Variants in NCOR1 observed in about 807,000 individuals in gnomAD.
NCOR1 encodes protein phosphatase 1, regulatory subunit 109.
Under a neutral mutation model 288.1 loss-of-function variants are expected in NCOR1, and 63 were observed. That is an observed-to-expected ratio of 0.22 (90% CI 0.18 to 0.27). The LOEUF (loss-of-function observed/expected upper bound fraction) is 0.27. NCOR1 is among the 10% of genes least tolerant of loss of function. The pLI, the probability that NCOR1 is intolerant of heterozygous loss-of-function variation, is 1.00. For missense variants in NCOR1, 2,397 were observed against 3,019.2 expected, an observed-to-expected ratio of 0.79 and a Z score of 4.83; for synonymous variants, 1,007 against 1,065.9, an observed-to-expected ratio of 0.94 and a Z score of 1.08.
intron 1 of NCOR1, among the ~76,000 whole-genome samples, chr17:16,196,265 A>ATT (rs1166923704): frequency 1.3e-5 from 2 of 151,894 alleles, no homozygotes; most frequent in Non-Finnish European, 2.9e-5. Flanking sequence ...TCGAAAAATA[A>ATT]TTCACTGTGA....
At chr17:16,210,962 A>C (rs2092070843) in intron 1 of NCOR1, among the ~76,000 whole-genome samples, 1 of 151,982 alleles carries the variant, frequency 6.6e-6, no homozygotes, top group Non-Finnish European at 1.5e-5. Flanking sequence ...CGATCTCCTG[A>C]CCTCATGATC....
chr17:16,195,470 CAA>C (rs753774141), intron 1 of NCOR1, among the ~76,000 whole-genome samples: 1 of 115,156 alleles, frequency 8.7e-6, no homozygotes, highest in African/African-American at 3.0e-5. Context: ...GACTCCGTCT[CAA>C]AAAAAAAAAG....
At chr17:16,118,099 T>G in intron 17 of NCOR1, 72 bp from the exon 18 acceptor site, 2 of 1,477,154 alleles carry the variant, frequency 1.4e-6, no homozygotes, top group South Asian at 1.3e-5. Flanking sequence ...AATAATAAAT[T>G]AACTTAATCA....
rs1267705844 is a variant in NCOR1 at position 16,038,697 on chromosome 17, CA to C, written c.6955+735del. On this transcript the variant is annotated intron_variant, in intron 44 of 45. Coordinates refer to ENST00000268712, the MANE Select transcript of NCOR1 (RefSeq NM_006311.4). ...AAGTGATCCACCCAACTTACCCTCC[CA>C]AAGTGCTATGATTACACCTTTTTTC... Among the ~76,000 whole-genome samples the C allele has an allele frequency of 5.9e-5, 9 of 152,168 alleles. No homozygotes were observed. The East Asian group carries it at 1.7e-3, about 29-fold the overall frequency.
intron 14 of NCOR1, among the ~76,000 whole-genome samples, chr17:16,136,600 G>T (rs2076432711): frequency 6.6e-6 from 1 of 152,084 alleles, no homozygotes; most frequent in Admixed American, 6.6e-5. Flanking sequence ...GAAGTCAGGA[G>T]ATTGAGACCA....
intron 26 of NCOR1, among the ~76,000 whole-genome samples, chr17:16,079,415 G>C (rs1437745893): frequency 6.6e-6 from 1 of 152,182 alleles, no homozygotes; most frequent in Non-Finnish European, 1.5e-5. Context: ...AAGAGGCTAA[G>C]AACTTCTTAA....
intron 13 of NCOR1, 76 bp from the exon 14 acceptor site, chr17:16,137,488 G>A: frequency 2.8e-6 from 2 of 720,170 alleles, no homozygotes; most frequent in Admixed American, 3.4e-5. Context: ...TACTTCCAAG[G>A]AAAATCTCTG....
chr17:16,123,055 C>G (rs1220898202), intron 15 of NCOR1, among the ~76,000 whole-genome samples: 1 of 152,158 alleles, frequency 6.6e-6, no homozygotes, highest in African/African-American at 2.4e-5. Flanking sequence ...CACCCCAACT[C>G]CAAAGACTCA....
Position 16,048,962 on chromosome 17 carries a change from C to T in NCOR1, c.6419G>A (p.Ser2140Asn), listed in dbSNP as rs1319023829. The T allele has an allele frequency of 6.2e-7, 1 of 1,611,420 alleles. No homozygotes were observed. Residue 2140 changes from serine to asparagine, a missense_variant, in exon 41 of 46, where the codon AGT becomes AAT. Physicochemically the swap from Ser to Asn is conservative, Grantham distance 46 (BLOSUM62 1). This residue lies in a region of NCOR1 where 1,872 missense variants were observed against 2,187.8 expected (regional missense o/e 0.86). Transcript: ENST00000268712. ...CTCGTAGGGCTCCGAAGAGACGTGACTCCTCTCTGGGGATTTTCCAGGCCT... is the reference window on the plus strand; with the variant it reads ...CTCGTAGGGCTCCGAAGAGACGTGATTCCTCTCTGGGGATTTTCCAGGCCT... ...GSRPGKSPER[S>N]HVSSEPYEPI...
rs1439904642 is a variant in NCOR1 at position 16,070,548 on chromosome 17, T to C, written c.4153-23A>G. Reference sequence around the variant, plus strand: ...GCCCTAAAGGGAAAGAAACAAACATTACAGGTAGCAAAGTCATCTGGCTAC... The same window carrying C: ...GCCCTAAAGGGAAAGAAACAAACATCACAGGTAGCAAAGTCATCTGGCTAC... On this transcript the variant is annotated intron_variant, in intron 30 of 45. Coordinates refer to ENST00000268712, the MANE Select transcript of NCOR1 (RefSeq NM_006311.4). 4 of 1,602,300 alleles carry C rather than the reference T, an allele frequency of 2.5e-6. No homozygotes were observed. The African/African-American group carries it at 4.0e-5, about 16-fold the overall frequency.
rs888447510 is a variant in NCOR1, at chr17:16,200,076, C to CA, written c.-70-5438dup. Among the ~76,000 whole-genome samples the CA allele has an allele frequency of 1.7e-3, 243 of 146,314 alleles. 2 individuals carry two copies. Among genetic ancestry groups the CA allele is most frequent in the African/African-American group, 4.8e-3 (192 of 39,722 alleles). ...AACAAAATTTCAAATACTATCCTGC[C>CA]AAAAAAAAAAGCAATTTTTCCTCTC... is the stretch of plus-strand genomic sequence containing the variant. On this transcript the variant is annotated intron_variant, in intron 1 of 45. Transcript: ENST00000268712.
chr17:16,170,841 A>C (rs2083013922), intron 4 of NCOR1, among the ~76,000 whole-genome samples: 1 of 140,724 alleles, frequency 7.1e-6, no homozygotes. Flanking sequence ...ACTCCATCTC[A>C]AAAAAAAAAA....
chr17:16,080,619 A>G lies in NCOR1; in HGVS notation c.3286T>C (p.Ser1096Pro). ...ISLGLPRQQE[S>P]AKSATLPYIK... ...TTAACTCACTGACCTGATTTGGCAGATTCCTGTTGCCGTGGCAGTCCAAGA... is the reference window on the plus strand; with the variant it reads ...TTAACTCACTGACCTGATTTGGCAGGTTCCTGTTGCCGTGGCAGTCCAAGA... The change falls in exon 24 of 46, where the codon TCT becomes CCT. Residue 1096 changes from serine (S) to proline (P), a missense_variant. Physicochemically the swap from Ser to Pro is moderately conservative, Grantham distance 74 (BLOSUM62 -1). This residue lies in a region of NCOR1 where 1,872 missense variants were observed against 2,187.8 expected (regional missense o/e 0.86). Transcript: ENST00000268712. The G allele has an allele frequency of 1.9e-6, 3 of 1,614,152 alleles. No homozygotes were observed. Among genetic ancestry groups the G allele is most frequent in the South Asian group, 2.2e-5 (2 of 91,082 alleles).
intron 20 of NCOR1, among the ~76,000 whole-genome samples, chr17:16,100,179 A>G (rs1407155244): frequency 6.6e-6 from 1 of 152,228 alleles, no homozygotes; most frequent in Non-Finnish European, 1.5e-5. Flanking sequence ...TACTAAAATT[A>G]TAAGTGATTC....
At chr17:16,186,044 A>G (rs1423612978) in intron 3 of NCOR1, among the ~76,000 whole-genome samples, 5 of 152,186 alleles carry the variant, frequency 3.3e-5, no homozygotes, top group Non-Finnish European at 7.3e-5. Context: ...CCATGCATGT[A>G]CAGGACCTAC....
chr17:16,139,254 A>G, intron 11 of NCOR1, 68 bp from the exon 12 acceptor site: 1 of 1,312,074 alleles, frequency 7.6e-7, no homozygotes, highest in Non-Finnish European at 1.1e-6. Context: ...CCATGGACCA[A>G]TGCTCTTAAT....
In NCOR1 at chr17:16,139,038, G is replaced by C. The variant is rs1256797132; in HGVS notation, c.1322C>G (p.Thr441Ser). 1 of 1,595,434 alleles carries C rather than the reference G, an allele frequency of 6.3e-7. No individual in the cohort carries two copies. The highest frequency in any genetic ancestry group is 1.7e-5 in the Admixed American group (1 of 58,168). The change falls in exon 12 of 46, where the codon ACT (threonine) becomes AGT (serine). Residue 441 changes from threonine to serine, a missense_variant. Thr to Ser is a moderately conservative substitution (Grantham distance 58). Around this residue, in one of 11 missense-constraint regions of NCOR1, gnomAD observed 80 missense variants for 100.3 expected, o/e 0.80. Coordinates refer to ENST00000268712, the MANE Select transcript of NCOR1 (RefSeq NM_006311.4). ...YKDRQFMNVW[T>S]DHEKEIFKDK... ...CTTAAAGATCTCCTTTTCATGGTCA[G>C]TCCAAACATTCATAAACTGCCTATC...
intron 26 of NCOR1, 122 bp downstream of exon 26, chr17:16,079,842 T>G: frequency 9.7e-6 from 7 of 723,260 alleles, no homozygotes; most frequent in African/African-American, 1.7e-5. Context: ...ATCTAGGTTA[T>G]GAGACCCAGT....
chr17:16,138,915 T>C (rs1363583823), intron 12 of NCOR1, 93 bp downstream of exon 12: 1 of 975,644 alleles, frequency 1.0e-6, no homozygotes, highest in Admixed American at 2.9e-5. Flanking sequence ...GACCAAGTTT[T>C]TGTGAAAACA....
Sources: gnomAD v4.1 joint callset for allele counts (sites outside exome capture counted in the v4.1 genomes callset) on GRCh38, gnomAD v4.1.1 for gene constraint, gnomAD v4.1.1 regional missense constraint, MANE v1.5 for transcripts, NCBI Gene and HGNC (gene_info 2026-07-23, HGNC 2026-07-21) for gene names.